Variants in SIL1 observed in about 807,000 individuals in gnomAD.
The protein encoded by SIL1 is SIL1 nucleotide exchange factor.
A neutral mutation model predicts 49.1 loss-of-function variants in SIL1; 40 were observed. That is an observed-to-expected ratio of 0.81 (90% CI 0.63 to 1.06). The LOEUF is 1.06. Among genes scored for constraint, SIL1 ranks in the 50% least tolerant of loss-of-function variants. SIL1 has a pLI of 0.00. For missense variants in SIL1, 500 were observed against 572.6 expected (o/e 0.87, Z 1.29); for synonymous variants, 253 against 250.8 (o/e 1.01, Z -0.08).
At chr5:139,085,547 G>C (rs1002440961) in intron 3 of SIL1, among the ~76,000 whole-genome samples, 2 of 152,190 alleles carry the variant, frequency 1.3e-5, no homozygotes, top group African/African-American at 4.8e-5. Context: ...GGAAATAAGT[G>C]ATGGGACAGA....
chr5:138,985,711 C>A (rs1767635855), intron 7 of SIL1, among the ~76,000 whole-genome samples: 1 of 152,182 alleles, frequency 6.6e-6, no homozygotes, highest in South Asian at 2.1e-4. Context: ...AGACTGTATC[C>A]CATGTGTCCA....
intron 1 of SIL1, among the ~76,000 whole-genome samples, chr5:139,143,330 C>CATATATAT (rs1213045532): frequency 1.3e-4 from 12 of 95,938 alleles, no homozygotes; most frequent in African/African-American, 4.5e-4. Context: ...CACACACACA[C>CATATATAT]ACACACACAC....
chr5:139,086,697 G>A (rs920082310), intron 3 of SIL1, among the ~76,000 whole-genome samples: 37 of 151,856 alleles, frequency 2.4e-4, no homozygotes, highest in South Asian at 2.1e-3. Flanking sequence ...GGGCATGGTG[G>A]CTCATGCCTG....
intron 7 of SIL1, among the ~76,000 whole-genome samples, chr5:138,959,462 A>T (rs1319860741): frequency 6.6e-6 from 1 of 152,196 alleles, no homozygotes; most frequent in Non-Finnish European, 1.5e-5. Flanking sequence ...ACTGAGCTGA[A>T]ATCTGCTCTC....
chr5:139,128,148 G>A (rs547312143), intron 1 of SIL1: 93 of 407,146 alleles, frequency 2.3e-4, no homozygotes, highest in African/African-American at 9.6e-4. Flanking sequence ...AGGTTGTGGC[G>A]GGTGGTCTTG....
intron 7 of SIL1, among the ~76,000 whole-genome samples, chr5:139,019,422 C>T (rs950025430): frequency 2.6e-5 from 4 of 152,174 alleles, no homozygotes; most frequent in Admixed American, 6.5e-5. Context: ...CATGCTGTCA[C>T]GGTAACAGCC....
At chr5:139,197,178 G>A (rs1022389220) in intron 1 of SIL1, among the ~76,000 whole-genome samples, 1 of 141,948 alleles carries the variant, frequency 7.0e-6, no homozygotes, top group Non-Finnish European at 1.5e-5. Context: ...TGAGGCAGGA[G>A]AATCGCTTGA....
chr5:138,981,911 C>A (rs1392690310), intron 7 of SIL1, among the ~76,000 whole-genome samples: 2 of 152,096 alleles, frequency 1.3e-5, no homozygotes, highest in Non-Finnish European at 2.9e-5. Flanking sequence ...AGTCACGCTG[C>A]CTGGGTTCAT....
chr5:139,039,844 T>C (rs187862999), intron 5 of SIL1, among the ~76,000 whole-genome samples: 31 of 152,296 alleles, frequency 2.0e-4, no homozygotes, highest in Admixed American at 1.8e-3. Flanking sequence ...TCAAGCAATT[T>C]GTATGGAAAT....
chr5:139,113,906 A>G (rs1052879501), intron 3 of SIL1, among the ~76,000 whole-genome samples: 9 of 152,170 alleles, frequency 5.9e-5, no homozygotes, highest in South Asian at 2.1e-4. Context: ...GGGTGTCCCA[A>G]CCTTTGAGAG....
intron 3 of SIL1, among the ~76,000 whole-genome samples, chr5:139,085,096 C>A (rs60592704): frequency 0.14 from 21,767 of 151,934 alleles, 3,910 homozygotes; most frequent in African/African-American, 0.43. Context: ...ATGGTTTTAA[C>A]AGGTAAAAAT....
chr5:139,081,348 G>A (rs1332665074), intron 3 of SIL1, among the ~76,000 whole-genome samples: 1 of 152,170 alleles, frequency 6.6e-6, no homozygotes, highest in Non-Finnish European at 1.5e-5. Context: ...TCTGCCTTCT[G>A]GACTCAAGCC....
chr5:138,978,044 G>A (rs987476209), intron 7 of SIL1, among the ~76,000 whole-genome samples: 1 of 152,142 alleles, frequency 6.6e-6, no homozygotes, highest in East Asian at 1.9e-4. Flanking sequence ...TTCATAACAC[G>A]TTACTGACTT....
At chr5:139,149,376 C>T (rs953818166) in intron 1 of SIL1, among the ~76,000 whole-genome samples, 2 of 152,094 alleles carry the variant, frequency 1.3e-5, no homozygotes, top group Non-Finnish European at 2.9e-5. Flanking sequence ...AAGTTGCCAC[C>T]CCAAACACAT....
At chr5:139,024,228 G>T (rs1454876503) in intron 6 of SIL1, among the ~76,000 whole-genome samples, 1 of 152,168 alleles carries the variant, frequency 6.6e-6, no homozygotes, top group African/African-American at 2.4e-5. Context: ...ATCAAAGGAG[G>T]ACTGAGTTGG....
chr5:138,994,427 GA>G (rs984794403), intron 7 of SIL1, among the ~76,000 whole-genome samples: 10 of 152,022 alleles, frequency 6.6e-5, no homozygotes, highest in Non-Finnish European at 5.9e-5. Context: ...TACCTATATG[GA>G]AAAAATTATG....
At chr5:139,017,651 C>A (rs1768430367) in intron 7 of SIL1, among the ~76,000 whole-genome samples, 1 of 152,188 alleles carries the variant, frequency 6.6e-6, no homozygotes, top group Admixed American at 6.6e-5. Flanking sequence ...TAGTTTAACT[C>A]CTGACGGTTA....
intron 7 of SIL1, among the ~76,000 whole-genome samples, chr5:139,017,393 G>T (rs929108272): frequency 2.0e-5 from 3 of 152,170 alleles, no homozygotes; most frequent in Non-Finnish European, 4.4e-5. Context: ...ATCTCACCAT[G>T]ACTAATGGCA....
At chr5:139,127,515 A>T (rs1750777262) in intron 2 of SIL1, among the ~76,000 whole-genome samples, 1 of 148,608 alleles carries the variant, frequency 6.7e-6, no homozygotes, top group Non-Finnish European at 1.5e-5. Flanking sequence ...CATCATCATC[A>T]TATTTTCCCC....
Sources: allele counts gnomAD v4.1 joint callset (sites outside exome capture counted in the v4.1 genomes callset), GRCh38; gene constraint gnomAD v4.1.1; transcripts MANE v1.5; gene names NCBI Gene and HGNC (gene_info 2026-07-23, HGNC 2026-07-21).